Variants in POT1 observed in about 807,000 individuals in gnomAD.
POT1 encodes the protein protection of telomeres protein 1.
POT1 carries 47 observed loss-of-function variants against 78.5 expected under a neutral mutation model. That is an observed-to-expected ratio of 0.60 (90% CI 0.47 to 0.76). The LOEUF (loss-of-function observed/expected upper bound fraction) is 0.76, where lower values mean the gene tolerates loss of function less well. Among genes scored for constraint, POT1 ranks in the 30% least tolerant of loss-of-function variants. The pLI, the probability that POT1 is intolerant of heterozygous loss-of-function variation, is 0.00. For missense variants in POT1, 646 were observed against 749.9 expected, an observed-to-expected ratio of 0.86 and a Z score of 1.62; for synonymous variants, 259 against 260.7, an observed-to-expected ratio of 0.99 and a Z score of 0.06.
intron 6 of POT1, among the ~76,000 whole-genome samples, chr7:124,871,884 A>G (rs1468841901): frequency 1.3e-5 from 2 of 152,254 alleles, no homozygotes; most frequent in East Asian, 3.9e-4. Context: ...CAGCGAGAAC[A>G]CTTAACATCC....
At chr7:124,861,287 G>A (rs965296607) in intron 8 of POT1, among the ~76,000 whole-genome samples, 3 of 152,020 alleles carry the variant, frequency 2.0e-5, no homozygotes, top group East Asian at 1.9e-4. Flanking sequence ...ACTTTTTAAC[G>A]ATTGCCATTC....
intron 5 of POT1, among the ~76,000 whole-genome samples, chr7:124,894,684 A>G (rs970101504): frequency 6.6e-6 from 1 of 151,578 alleles, no homozygotes; most frequent in Non-Finnish European, 1.5e-5. Context: ...CATGATTCCC[A>G]ATAAGCCCTA....
intron 10 of POT1, 109 bp from the exon 11 acceptor site, chr7:124,852,060 G>C (rs1795322541): frequency 1.4e-6 from 1 of 708,688 alleles, no homozygotes; most frequent in Non-Finnish European, 2.4e-6. Context: ...ATAAAATTTT[G>C]TATGTATATG....
Position 124,872,509 on chromosome 7 carries a change from C to T in POT1, c.125-1468G>A, listed in dbSNP as rs191404245. On this transcript the variant is annotated intron_variant, in intron 6 of 18. Coordinates refer to ENST00000357628, the MANE Select transcript of POT1 (RefSeq NM_015450.3). ...GTTTGTCACTTAGTAGCTGTTTCAG[C>T]TATCATATCAACTGTCGAGGTATCG... Among the ~76,000 whole-genome samples, 271 of 152,306 alleles carry T rather than the reference C, an allele frequency of 1.8e-3. 5 individuals carry two copies. The highest frequency in any genetic ancestry group is 0.016 in the Admixed American group (237 of 15,286).
In POT1 at chr7:124,863,362, T is replaced by C. The variant is rs146150652; in HGVS notation, c.534A>G (p.Ser178=). The change falls in exon 8 of 19, where the codon TCA becomes TCG. Residue 178 remains serine (S), a synonymous_variant. Transcript: ENST00000357628. ...LLGKAEVDGA[S]FLLKVWDGTR... ...AAAAAATATGTACCTTTAGAAGAAA[T>C]GATGCTCCGTCCACTTCTGCTTTGC... 1.2e-6 allele frequency: 2 copies of C among 1,611,616 alleles called. No homozygotes were observed. The highest frequency in any genetic ancestry group is 1.7e-4 in the Middle Eastern group (1 of 6,030).
intron 4 of POT1, among the ~76,000 whole-genome samples, 157 bp downstream of exon 4, chr7:124,898,103 GA>G (rs201066236): frequency 1.3e-5 from 2 of 149,970 alleles, no homozygotes; most frequent in Non-Finnish European, 3.0e-5. Context: ...ATAAAACCAA[GA>G]AAAAAAAACT....
At chr7:124,906,824 C>T (rs1420407528) in intron 3 of POT1, among the ~76,000 whole-genome samples, 2 of 151,922 alleles carry the variant, frequency 1.3e-5, no homozygotes, top group Non-Finnish European at 2.9e-5. Flanking sequence ...ATCCAGTTTC[C>T]ATGAATTTAT....
At chr7:124,889,788 C>T (rs890552394) in intron 6 of POT1, among the ~76,000 whole-genome samples, 5 of 151,862 alleles carry the variant, frequency 3.3e-5, no homozygotes, top group African/African-American at 1.2e-4. Flanking sequence ...TACTTTAAGC[C>T]CAACGTTGAG....
intron 2 of POT1, among the ~76,000 whole-genome samples, chr7:124,917,460 G>A (rs1797040529): frequency 6.6e-6 from 1 of 151,990 alleles, no homozygotes; most frequent in Non-Finnish European, 1.5e-5. Context: ...CTCTAAACCC[G>A]ACTAGATTAA....
intron 15 of POT1, among the ~76,000 whole-genome samples, chr7:124,832,994 A>C (rs910439762): frequency 6.6e-6 from 1 of 152,162 alleles, no homozygotes; most frequent in Admixed American, 6.5e-5. Context: ...AAAGAACAAA[A>C]GCAAGTGAGC....
chr7:124,900,782 T>G (rs1344455147), intron 3 of POT1: 1 of 363,424 alleles, frequency 2.8e-6, no homozygotes. Context: ...ACCTGGAACA[T>G]CGGGACACTC....
intron 7 of POT1, among the ~76,000 whole-genome samples, chr7:124,868,926 A>C (rs1163320089): frequency 6.6e-6 from 1 of 151,932 alleles, no homozygotes; most frequent in South Asian, 2.1e-4. Context: ...TCAATGTAAA[A>C]ATTCAATTAT....
intron 14 of POT1, chr7:124,837,159 T>C (rs2116449766): frequency 3.7e-6 from 1 of 271,528 alleles, no homozygotes; most frequent in South Asian, 3.6e-5. Flanking sequence ...CACCATTTTC[T>C]CTTGGTCTCA....
Position 124,904,415 on chromosome 7 carries a change from C to T in POT1, c.-153-6041G>A, listed in dbSNP as rs112408856. Among the ~76,000 whole-genome samples the T allele has an allele frequency of 1.1e-3, 174 of 152,166 alleles. 1 individual carries two copies. The highest frequency in any genetic ancestry group is 3.7e-3 in the African/African-American group (152 of 41,514). Reference sequence around the variant, plus strand: ...AAAACCACATGATTATCTCAATAGACGCAGAAAAGGCCTTCAACAAAATTC... The same window carrying T: ...AAAACCACATGATTATCTCAATAGATGCAGAAAAGGCCTTCAACAAAATTC... On this transcript the variant is annotated intron_variant, in intron 3 of 18. Transcript: ENST00000357628.
intron 15 of POT1, among the ~76,000 whole-genome samples, chr7:124,829,726 C>T (rs544136874): frequency 6.7e-6 from 1 of 149,992 alleles, no homozygotes; most frequent in African/African-American, 2.5e-5. Flanking sequence ...ATATCTATAT[C>T]TATATATATA....
At chr7:124,846,861 A>C in intron 12 of POT1, 81 bp downstream of exon 12, 1 of 982,606 alleles carries the variant, frequency 1.0e-6, no homozygotes, top group African/African-American at 1.6e-5. Context: ...ATTAGAAAGA[A>C]ATGGATTAGC....
chr7:124,897,195 T>TA lies in POT1; in HGVS notation c.-23dup, dbSNP rs758357866. On this transcript the variant is annotated 5_prime_UTR_variant, in exon 5 of 19. It removes the in-frame stop codon of an upstream open reading frame in the 5' UTR. Coordinates refer to ENST00000357628, the MANE Select transcript of POT1 (RefSeq NM_015450.3). ...ACATTGATTCTGTAGAAAAATCTCT[T>TA]AAAGATTTGACATAAACCTGAAGGA... 6.9e-7 allele frequency: 1 copy of TA among 1,440,772 alleles called. No individual in the cohort carries two copies. The highest frequency in any genetic ancestry group is 1.2e-5 in the South Asian group (1 of 81,864). The allele number at this position is 1,440,772 out of a possible 1,614,324, so 89.2% of individuals were successfully genotyped here. A position where few individuals can be genotyped will look rare whatever the true frequency, so the allele number is the denominator to read the frequency against.
chr7:124,852,762 T>C (rs979158683), intron 10 of POT1, among the ~76,000 whole-genome samples: 2 of 152,074 alleles, frequency 1.3e-5, no homozygotes, highest in Non-Finnish European at 2.9e-5. Flanking sequence ...ATTCAAACTG[T>C]TGGAAAACTT....
intron 6 of POT1, among the ~76,000 whole-genome samples, chr7:124,873,474 T>C (rs1422516584): frequency 6.6e-6 from 1 of 152,246 alleles, no homozygotes; most frequent in African/African-American, 2.4e-5. Flanking sequence ...GAATAGTCTC[T>C]TTAATGTGCT....
Sources: allele counts gnomAD v4.1 joint callset (sites outside exome capture counted in the v4.1 genomes callset), GRCh38; gene constraint gnomAD v4.1.1; transcripts MANE v1.5; gene names NCBI Gene and HGNC (gene_info 2026-07-23, HGNC 2026-07-21).